Variants in ZNF675 observed in about 807,000 individuals in gnomAD.
ZNF675 encodes the protein TRAF6 inhibitory zinc finger.
ZNF675 carries 36 observed loss-of-function variants against 56.1 expected under a neutral mutation model. The ratio of observed to expected loss-of-function variants is 0.64; its 90% CI spans 0.49 to 0.85. ZNF675 has a LOEUF of 0.85. Among genes scored for constraint, ZNF675 ranks in the 40% least tolerant of loss-of-function variants. The pLI, the probability that ZNF675 is intolerant of heterozygous loss-of-function variation, is 0.00. For synonymous variants in ZNF675, 200 were observed against 218.9 expected, an observed-to-expected ratio of 0.91 and a Z score of 0.76; for missense variants, 663 against 654.2, an observed-to-expected ratio of 1.01 and a Z score of -0.15.
intron 3 of ZNF675, among the ~76,000 whole-genome samples, chr19:23,661,414 G>A (rs1968076479): frequency 6.6e-6 from 1 of 151,838 alleles, no homozygotes; most frequent in Non-Finnish European, 1.5e-5. Flanking sequence ...AAAAGGGCGG[G>A]GAATAGTGGC....
chr19:23,681,266 T>G (rs1364982542), intron 1 of ZNF675, among the ~76,000 whole-genome samples: 1 of 151,582 alleles, frequency 6.6e-6, no homozygotes, highest in Non-Finnish European at 1.5e-5. Context: ...GGATAAACAA[T>G]GCTGTTGTGA....
intron 1 of ZNF675, among the ~76,000 whole-genome samples, chr19:23,675,508 C>T (rs2144945905): frequency 6.6e-6 from 1 of 151,890 alleles, no homozygotes; most frequent in East Asian, 1.9e-4. Context: ...CAACAACATA[C>T]TCAGACCACA....
rs1270526000 is a variant in ZNF675, at chr19:23,654,298, G to T, written c.635C>A (p.Ser212Tyr). The change falls in exon 4 of 4, where the codon TCT becomes TAT. Residue 212 changes from serine to tyrosine, a missense_variant. By Grantham distance (144) the Ser-to-Tyr change is moderately radical (BLOSUM62 -2). Coordinates refer to ENST00000359788, the MANE Select transcript of ZNF675 (RefSeq NM_138330.3). ...CEECEKAVNQ[S>Y]SKLTKHKRIY... ...TCTTTTATGTTTAGTAAGCTTTGAA[G>T]ATTGGTTAACAGCTTTTTCACATTC... 6.2e-7 allele frequency: 1 copy of T among 1,611,320 alleles called. No individual in the cohort carries two copies. The highest frequency in any genetic ancestry group is 8.5e-7 in the Non-Finnish European group (1 of 1,179,300).
intron 1 of ZNF675, among the ~76,000 whole-genome samples, chr19:23,666,072 T>C (rs943257933): frequency 6.6e-6 from 1 of 152,230 alleles, no homozygotes; most frequent in African/African-American, 2.4e-5. Context: ...GAATAGGGTC[T>C]GGAGGCAGGG....
intron 1 of ZNF675, among the ~76,000 whole-genome samples, chr19:23,685,622 T>G (rs1968433617): frequency 6.6e-6 from 1 of 152,202 alleles, no homozygotes; most frequent in Non-Finnish European, 1.5e-5. Context: ...CAGGGAATTG[T>G]TCTTCTTTTT....
At chr19:23,686,014 G>T (rs144096405) in intron 1 of ZNF675, among the ~76,000 whole-genome samples, 2 of 152,080 alleles carry the variant, frequency 1.3e-5, no homozygotes, top group Middle Eastern at 3.4e-3. Context: ...GCATTTTTTT[G>T]CAAATTACTG....
At position 23,653,782 on chromosome 19, in the gene ZNF675, G is replaced by C. The variant is rs200866824; in HGVS notation, c.1151C>G (p.Thr384Arg). ...TTCGGTATGAATTTTCCTATGTTCC[G>C]TAAGATTTGAGGATCGGTTAAAAGC... ...GKAFNRSSNL[T>R]EHRKIHTEEK... The change falls in exon 4 of 4, where the codon ACG becomes AGG. Residue 384 changes from threonine (T) to arginine (R), a missense_variant. By Grantham distance (71) the Thr-to-Arg change is moderately conservative. Around this residue, in one of 3 missense-constraint regions of ZNF675, gnomAD observed 617 missense variants for 590.5 expected, o/e 1.04. Transcript: ENST00000359788. 6.8e-6 allele frequency: 11 copies of C among 1,613,734 alleles called. No homozygotes were observed. The Admixed American group carries it at 1.5e-4, about 22-fold the overall frequency.
In ZNF675 at chr19:23,653,648, A is replaced by G. The variant is rs1967940450; in HGVS notation, c.1285T>C (p.Cys429Arg). 1.9e-6 allele frequency: 3 copies of G among 1,613,734 alleles called. No homozygotes were observed. Among genetic ancestry groups the G allele is most frequent in the South Asian group, 1.1e-5 (1 of 91,080 alleles). Residue 429 changes from cysteine (C) to arginine (R), a missense_variant, in exon 4 of 4, where the codon TGT becomes CGT. Physicochemically the swap from Cys to Arg is radical, Grantham distance 180. This residue lies in a region of ZNF675 where 617 missense variants were observed against 590.5 expected (regional missense o/e 1.04). Coordinates refer to ENST00000359788, the MANE Select transcript of ZNF675 (RefSeq NM_138330.3). ...TGEKPYKCEE[C>R]GKAFNRSSKL... Reference sequence around the variant, plus strand: ...GAGGATCGGTTAAAAGCTTTGCCACATTCTTCACATTTGTAGGGTTTCTCT... The same window carrying G: ...GAGGATCGGTTAAAAGCTTTGCCACGTTCTTCACATTTGTAGGGTTTCTCT...
chr19:23,682,550 G>A (rs1968390622), intron 1 of ZNF675, among the ~76,000 whole-genome samples: 1 of 151,658 alleles, frequency 6.6e-6, no homozygotes, highest in South Asian at 2.1e-4. Context: ...GCTTCCCAGG[G>A]CTCTCAAGCT....
chr19:23,671,425 C>T (rs554791492), intron 1 of ZNF675, among the ~76,000 whole-genome samples: 10 of 152,182 alleles, frequency 6.6e-5, no homozygotes, highest in African/African-American at 2.4e-4. Flanking sequence ...TCTGAAGGGC[C>T]ATAAAGATAA....
chr19:23,656,651 C>T (rs1210779983), intron 3 of ZNF675: 5 of 152,026 alleles, frequency 3.3e-5, no homozygotes, highest in Admixed American at 3.3e-4. Flanking sequence ...CACACACACA[C>T]ACAATGGATT....
chr19:23,676,052 G>A (rs1379961873), intron 1 of ZNF675, among the ~76,000 whole-genome samples: 1 of 148,114 alleles, frequency 6.8e-6, no homozygotes. Context: ...ATACAAACAA[G>A]GATGAAAGTC....
chr19:23,668,117 T>C (rs1968178653), intron 1 of ZNF675, among the ~76,000 whole-genome samples: 1 of 149,584 alleles, frequency 6.7e-6, no homozygotes, highest in Non-Finnish European at 1.5e-5. Flanking sequence ...TGTCAACTGG[T>C]GCACTCACAA....
At chr19:23,660,070 G>A (rs530372144) in intron 3 of ZNF675, among the ~76,000 whole-genome samples, 1 of 152,242 alleles carries the variant, frequency 6.6e-6, no homozygotes, top group African/African-American at 2.4e-5. Context: ...GCCCTACAGA[G>A]CAAAATCCTC....
At chr19:23,685,337 A>T (rs1358798797) in intron 1 of ZNF675, among the ~76,000 whole-genome samples, 1 of 152,160 alleles carries the variant, frequency 6.6e-6, no homozygotes, top group Non-Finnish European at 1.5e-5. Flanking sequence ...TTCCATTGAG[A>T]GGCTACACTC....
At chr19:23,686,846 C>G (rs1299672404) in intron 1 of ZNF675, among the ~76,000 whole-genome samples, 185 bp downstream of exon 1, 2 of 152,124 alleles carry the variant, frequency 1.3e-5, no homozygotes, top group African/African-American at 4.8e-5. Flanking sequence ...CGGGATGCCC[C>G]GGGGCTGGCT....
At chr19:23,654,843 T>G (rs1428988958) in intron 3 of ZNF675, 137 bp from the exon 4 acceptor site, 5 of 563,972 alleles carry the variant, frequency 8.9e-6, no homozygotes, top group Non-Finnish European at 1.4e-5. Context: ...TTGCCCCAGG[T>G]GAGCACAATG....
In ZNF675 at chr19:23,654,369, A is replaced by G; in HGVS notation, c.564T>C (p.Thr188=). The G allele has an allele frequency of 6.2e-7, 1 of 1,612,272 alleles. No homozygotes were observed. Among genetic ancestry groups the G allele is most frequent in the South Asian group, 1.1e-5 (1 of 90,738 alleles). The change falls in exon 4 of 4, where the codon ACT becomes ACC. Residue 188 remains threonine, a synonymous_variant. Coordinates refer to ENST00000359788, the MANE Select transcript of ZNF675 (RefSeq NM_138330.3). ...CCTTGGTATAATTTCTTTCATGTCGAGTTAGGTGTGAAAGCATGCAAAATG... is the reference window on the plus strand; with the variant it reads ...CCTTGGTATAATTTCTTTCATGTCGGGTTAGGTGTGAAAGCATGCAAAATG... ...GRSFCMLSHL[T]RHERNYTKVN...
At chr19:23,681,555 C>T (rs1241314619) in intron 1 of ZNF675, among the ~76,000 whole-genome samples, 1 of 151,604 alleles carries the variant, frequency 6.6e-6, no homozygotes, top group Non-Finnish European at 1.5e-5. Flanking sequence ...TTTCTGGCAC[C>T]AAATCTGTAG....
Sources: gnomAD v4.1 joint callset for allele counts (sites outside exome capture counted in the v4.1 genomes callset) on GRCh38, gnomAD v4.1.1 for gene constraint, gnomAD v4.1.1 regional missense constraint, MANE v1.5 for transcripts, NCBI Gene and HGNC (gene_info 2026-07-23, HGNC 2026-07-21) for gene names.